The following ZBED6 variants were observed in gnomAD, a reference collection of about 807,000 sequenced individuals.
The protein encoded by ZBED6 is zinc finger BED domain-containing protein 6.
A neutral mutation model predicts 58.4 loss-of-function variants in ZBED6; 40 were observed. That is an observed-to-expected ratio of 0.68 (90% CI 0.53 to 0.89). ZBED6 has a LOEUF of 0.89. Ranked by LOEUF, ZBED6 falls within the 40% of genes least tolerant of loss-of-function variation. The pLI is 0.00. For missense variants in ZBED6, 1,057 were observed against 1,003.9 expected (o/e 1.05, Z -0.71); for synonymous variants, 439 against 350.6 (o/e 1.25, Z -2.82).
At chr1:203,838,256 G>A (rs557725035) in intron 10 of ZBED6, among the ~76,000 whole-genome samples, 192 bp downstream of exon 10, 1 of 152,110 alleles carries the variant, frequency 6.6e-6, no homozygotes, top group Admixed American at 6.5e-5. Flanking sequence ...AAAAAACACC[G>A]TCACACTCCT....
chr1:203,799,000 C>T, exon 1 of ZBED6: 1 of 1,536,174 alleles, frequency 6.5e-7, no homozygotes. Context: ...GACCCATCCA[C>T]TGACTATTTT....
At chr1:203,848,276 T>C in intron 12 of ZBED6, 55 bp from the exon 13 acceptor site, 2 of 1,428,396 alleles carry the variant, frequency 1.4e-6, no homozygotes, top group Non-Finnish European at 1.9e-6. Flanking sequence ...AACATATCTA[T>C]CATGAAGTTG....
At chr1:203,808,607 A>G (rs549765630) in intron 1 of ZBED6, among the ~76,000 whole-genome samples, 4 of 152,080 alleles carry the variant, frequency 2.6e-5, no homozygotes, top group East Asian at 1.9e-4. Context: ...TTCATATACA[A>G]TTTCCCTCTT....
At chr1:203,832,279 T>G (rs1021914398) in intron 8 of ZBED6, among the ~76,000 whole-genome samples, 4 of 152,128 alleles carry the variant, frequency 2.6e-5, no homozygotes, top group Non-Finnish European at 5.9e-5. Context: ...CTGGCTGGTC[T>G]CAAACTCCCG....
At chr1:203,799,222 C>G in exon 1 of ZBED6, 1 of 921,336 alleles carries the variant, frequency 1.1e-6, no homozygotes, top group South Asian at 1.4e-5. Flanking sequence ...GACAATTCCT[C>G]TAATGTGGTA....
At chr1:203,831,191 C>A (rs143322592) in intron 7 of ZBED6, among the ~76,000 whole-genome samples, 3 of 151,768 alleles carry the variant, frequency 2.0e-5, no homozygotes, top group Non-Finnish European at 4.4e-5. Flanking sequence ...TAATCCACTG[C>A]GCCCAGCCCC....
rs527338827 is a variant in ZBED6, at chr1:203,832,456, G to T, written c.*3510+685G>T. 2.1e-3 allele frequency among the ~76,000 whole-genome samples: 314 copies of T among 152,090 alleles called. 1 individual carries two copies. Among genetic ancestry groups the T allele is most frequent in the African/African-American group, 7.3e-3 (304 of 41,470 alleles). ...ACTCACTGCAACCTCCGCCTCCCAG[G>T]TTCAAGTGATTCTCCTGCTTCAGCC... On this transcript the variant is annotated intron_variant, in intron 8 of 16. Coordinates refer to ENST00000550078, the Ensembl canonical transcript of ZBED6.
At chr1:203,814,526 A>AG (rs1477045418) in intron 1 of ZBED6, among the ~76,000 whole-genome samples, 1 of 152,062 alleles carries the variant, frequency 6.6e-6, no homozygotes, top group Non-Finnish European at 1.5e-5. Flanking sequence ...TCCATCTCAA[A>AG]GAAAAAAAAA....
chr1:203,835,891 T>A, intron 9 of ZBED6: 1 of 242,774 alleles, frequency 4.1e-6, no homozygotes, highest in Non-Finnish European at 8.9e-6. Flanking sequence ...AAAATGCCCT[T>A]GGACCACAGC....
intron 13 of ZBED6, 92 bp downstream of exon 13, chr1:203,848,499 A>G (rs748504096): frequency 5.7e-6 from 5 of 877,720 alleles, no homozygotes; most frequent in Non-Finnish European, 5.4e-6. Context: ...TAAGTACTTC[A>G]TTCATATATT....
intron 11 of ZBED6, among the ~76,000 whole-genome samples, chr1:203,841,782 G>GC (rs1211052971): frequency 2.2e-4 from 33 of 148,520 alleles, no homozygotes; most frequent in African/African-American, 6.7e-4. Context: ...GGGTGGAGGC[G>GC]CCCCCCACCT....
intron 3 of ZBED6, among the ~76,000 whole-genome samples, chr1:203,821,810 T>G (rs1678801941): frequency 6.6e-6 from 1 of 151,554 alleles, no homozygotes; most frequent in African/African-American, 2.4e-5. Context: ...CAGGCTGGAG[T>G]GCAGTGGCGC....
exon 1 of ZBED6, chr1:203,798,150 G>A (rs1288885706): frequency 6.5e-7 from 1 of 1,536,088 alleles, no homozygotes; most frequent in East Asian, 2.4e-5. Flanking sequence ...TCCCTCTTCT[G>A]GAAGCAATGG....
exon 6 of ZBED6, chr1:203,829,823 G>A (rs2103014556): frequency 6.2e-7 from 1 of 1,614,100 alleles, no homozygotes; most frequent in Non-Finnish European, 8.5e-7. Flanking sequence ...CACCTACCCT[G>A]CAACCAACTC....
exon 1 of ZBED6, chr1:203,800,609 A>G (rs1571890692): frequency 4.6e-6 from 3 of 650,436 alleles, no homozygotes; most frequent in South Asian, 6.7e-5. Flanking sequence ...CAGAGGCAAT[A>G]TAATTTTGAT....
intron 1 of ZBED6, among the ~76,000 whole-genome samples, chr1:203,807,478 T>A (rs538707320): frequency 6.6e-6 from 1 of 151,838 alleles, no homozygotes; most frequent in Non-Finnish European, 1.5e-5. Flanking sequence ...GACTGTTTTT[T>A]GGGTTTGTAA....
intron 1 of ZBED6, among the ~76,000 whole-genome samples, chr1:203,804,829 T>C (rs1470379329): frequency 6.6e-6 from 1 of 151,812 alleles, no homozygotes; most frequent in East Asian, 2.0e-4. Context: ...CATGCCACCA[T>C]GCCCGGCTGA....
intron 3 of ZBED6, among the ~76,000 whole-genome samples, chr1:203,819,230 T>C (rs1159209437): frequency 1.3e-5 from 2 of 150,838 alleles, no homozygotes; most frequent in Non-Finnish European, 3.0e-5. Flanking sequence ...CTTTTTATTT[T>C]TTTTTTTTTG....
exon 12 of ZBED6, chr1:203,847,405 A>G: frequency 1.2e-6 from 2 of 1,614,006 alleles, no homozygotes; most frequent in South Asian, 2.2e-5. Flanking sequence ...GGAAGCAGAG[A>G]GACAAAAAAG....
Sources: allele counts gnomAD v4.1 joint callset (sites outside exome capture counted in the v4.1 genomes callset), GRCh38; gene constraint gnomAD v4.1.1; transcripts MANE v1.5; gene names NCBI Gene and HGNC (gene_info 2026-07-23, HGNC 2026-07-21).